CFAP251: variants seen among roughly 807,000 people sequenced by gnomAD.
The protein encoded by CFAP251 is cilia and flagella associated protein 251.
A neutral mutation model predicts 126.7 loss-of-function variants in CFAP251; 93 were observed. That is an observed-to-expected ratio of 0.73 (90% confidence interval 0.62 to 0.87). The LOEUF (loss-of-function observed/expected upper bound fraction) is 0.87. Among genes scored for constraint, CFAP251 ranks in the 40% least tolerant of loss-of-function variants. CFAP251 has a pLI of 0.00. For missense variants in CFAP251, 1,287 were observed against 1,389.2 expected, an observed-to-expected ratio of 0.93 and a Z score of 1.17; for synonymous variants, 503 against 506.9, an observed-to-expected ratio of 0.99 and a Z score of 0.10.
chr12:121,966,288 T>A (rs1335957350), intron 15 of CFAP251, among the ~76,000 whole-genome samples: 5 of 116,940 alleles, frequency 4.3e-5, no homozygotes, highest in Non-Finnish European at 7.1e-5. Flanking sequence ...TTCGATGGAG[T>A]CTTGCTCTGT....
chr12:121,987,393 G>T (rs1168519188), intron 19 of CFAP251, among the ~76,000 whole-genome samples: 1 of 152,036 alleles, frequency 6.6e-6, no homozygotes, highest in Non-Finnish European at 1.5e-5. Flanking sequence ...AATAAATCTT[G>T]GATTACTATG....
At chr12:121,991,973 A>ACAG (rs1593006610) in intron 19 of CFAP251, among the ~76,000 whole-genome samples, 1 of 152,154 alleles carries the variant, frequency 6.6e-6, no homozygotes, top group East Asian at 1.9e-4. Flanking sequence ...TGCCTGGGCG[A>ACAG]CAGAGTGAGA....
rs1372505759 is a variant in CFAP251 at position 121,918,616 on chromosome 12, G to T, written c.-100G>T. The T allele has an allele frequency of 6.5e-6, 1 of 153,662 alleles. No homozygotes were observed. The highest frequency in any genetic ancestry group is 1.4e-5 in the Non-Finnish European group (1 of 69,192). 9.5% of individuals were successfully genotyped at this position (153,662 alleles called of 1,614,324 possible). A position where few individuals can be genotyped will look rare whatever the true frequency, so the allele number is the denominator to read the frequency against. The stretch of plus-strand genomic sequence containing the variant: ...CAGAACTAGGGAGCTGGTGGAGAAG[G>T]TGGCGGCCGCTGGAAGGAGGCCCGG... On this transcript the variant is annotated 5_prime_UTR_variant, in exon 1 of 22. Transcript: ENST00000288912. The surrounding 1 kb of genome is among the most constrained non-coding windows in gnomAD (Gnocchi z 4.3).
At chr12:121,957,368 C>A in intron 11 of CFAP251, 100 bp downstream of exon 11, 3 of 1,180,536 alleles carry the variant, frequency 2.5e-6, no homozygotes, top group Non-Finnish European at 2.4e-6. Context: ...CCTGGGATAT[C>A]TCCCTGGCTG....
intron 19 of CFAP251, among the ~76,000 whole-genome samples, chr12:121,986,787 A>AT (rs1377991380): frequency 6.6e-6 from 1 of 150,536 alleles, no homozygotes; most frequent in Non-Finnish European, 1.5e-5. Flanking sequence ...AAAAAAAAAA[A>AT]GCCCATCTAG....
intron 19 of CFAP251, among the ~76,000 whole-genome samples, chr12:121,987,490 G>A (rs1025568181): frequency 2.6e-5 from 4 of 152,144 alleles, no homozygotes; most frequent in East Asian, 3.8e-4. Flanking sequence ...TGAGGTGGGC[G>A]CATCACCTGA....
chr12:121,948,975 A>G lies in CFAP251; in HGVS notation c.1192-9A>G. 6.7e-7 allele frequency: 1 copy of G among 1,502,098 alleles called. No individual in the cohort carries two copies. The highest frequency in any genetic ancestry group is 9.1e-7 in the Non-Finnish European group (1 of 1,102,404). The allele number at this position is 1,502,098 out of a possible 1,614,324, so 93.0% of individuals were successfully genotyped here. ...TATCATTAATGTATTTTCATACTTT[A>G]TATTTCAGAACTACGTTACTTTTAA... On this transcript the variant is annotated splice_polypyrimidine_tract_variant and intron_variant, in intron 7 of 21. Transcript: ENST00000288912.
intron 19 of CFAP251, chr12:121,997,549 A>G (rs1008313335): frequency 6.6e-6 from 1 of 151,768 alleles, no homozygotes; most frequent in Non-Finnish European, 1.5e-5. Flanking sequence ...CTGAATATGG[A>G]AAGTCTTTCC....
At chr12:122,001,713 A>G (rs760094768) in intron 21 of CFAP251, 115 bp downstream of exon 21, 22 of 789,604 alleles carry the variant, frequency 2.8e-5, no homozygotes, top group Non-Finnish European at 4.2e-5. Flanking sequence ...ACTGCACATA[A>G]CAAAGCATGT....
chr12:121,940,246 C>T (rs1032045942), intron 5 of CFAP251, among the ~76,000 whole-genome samples: 1 of 152,124 alleles, frequency 6.6e-6, no homozygotes, highest in African/African-American at 2.4e-5. Flanking sequence ...GTTAATAATG[C>T]AGGTCTGACT....
At chr12:121,993,419 T>C (rs1440806128) in intron 19 of CFAP251, among the ~76,000 whole-genome samples, 2 of 134,868 alleles carry the variant, frequency 1.5e-5, no homozygotes, top group African/African-American at 2.9e-5. Context: ...TGTCTCTGCC[T>C]GGCCGCCCAT....
At chr12:121,944,692 GT>G (rs1327882816) in intron 7 of CFAP251, among the ~76,000 whole-genome samples, 1 of 152,144 alleles carries the variant, frequency 6.6e-6, no homozygotes, top group Non-Finnish European at 1.5e-5. Context: ...TTCATTGCTA[GT>G]GTATAAAAAG....
rs542861175 is a variant in CFAP251 at position 121,978,276 on chromosome 12, C to A, written c.3006+2591C>A. ...GAGCGTGGTGGCGGGTGCCTATAGT[C>A]CCAGCTACTCAGGAGGCTGAGGCAG... On this transcript the variant is annotated intron_variant, in intron 19 of 21. Coordinates refer to ENST00000288912, the MANE Select transcript of CFAP251 (RefSeq NM_144668.6). Among the ~76,000 whole-genome samples, 341 of 150,178 alleles carry A rather than the reference C, an allele frequency of 2.3e-3. 5 individuals are homozygous for A. The highest frequency in any genetic ancestry group is 8.0e-3 in the African/African-American group (327 of 40,962).
At chr12:121,971,783 C>T in intron 17 of CFAP251, 1 of 578,956 alleles carries the variant, frequency 1.7e-6, no homozygotes, top group Non-Finnish European at 3.1e-6. Flanking sequence ...TGTTCCTACC[C>T]AAATCTCATC....
At position 122,003,823 on chromosome 12, in the gene CFAP251, G is replaced by T; in HGVS notation, c.*59G>T. 7.5e-7 allele frequency: 1 copy of T among 1,334,346 alleles called. No homozygotes were observed. The highest frequency in any genetic ancestry group is 1.0e-6 in the Non-Finnish European group (1 of 976,566). The allele number at this position is 1,334,346 out of a possible 1,614,324, so 82.7% of individuals were successfully genotyped here. A position where few individuals can be genotyped will look rare whatever the true frequency, so the allele number is the denominator to read the frequency against. ...TGGGTGTGTGTGCATGCACATGTGTGTGTTTTCCATGAGGCACTGCTTTTT... is the reference window on the plus strand; with the variant it reads ...TGGGTGTGTGTGCATGCACATGTGTTTGTTTTCCATGAGGCACTGCTTTTT... On this transcript the variant is annotated 3_prime_UTR_variant, in exon 22 of 22. Transcript: ENST00000288912.
chr12:121,931,054 G>T (rs1849331653), intron 3 of CFAP251, among the ~76,000 whole-genome samples: 1 of 151,598 alleles, frequency 6.6e-6, no homozygotes, highest in African/African-American at 2.4e-5. Context: ...CAGCCTATTT[G>T]CCTTTCTTAT....
chr12:121,919,466 ACTG>A (rs1880068162), intron 1 of CFAP251, among the ~76,000 whole-genome samples: 2 of 152,164 alleles, frequency 1.3e-5, no homozygotes, highest in East Asian at 1.9e-4. Flanking sequence ...AATAATAACA[ACTG>A]CTACCATTTT....
Position 121,942,110 on chromosome 12 carries a change from G to A in CFAP251, c.999-424G>A, listed in dbSNP as rs746187798. ...TATTATTGTTGTTGAGGTTAAATTC[G>A]CATAACATAAAACTGACCATTTTAA... On this transcript the variant is annotated intron_variant, in intron 5 of 21. Transcript: ENST00000288912. Among the ~76,000 whole-genome samples, 7 of 152,118 alleles carry A rather than the reference G, an allele frequency of 4.6e-5. No individual in the cohort carries two copies. The East Asian group carries it at 7.7e-4, about 17-fold the overall frequency.
chr12:121,977,457 G>C (rs567795504), intron 19 of CFAP251, among the ~76,000 whole-genome samples: 2 of 152,266 alleles, frequency 1.3e-5, no homozygotes, highest in South Asian at 4.1e-4. Context: ...TCAAGAGTTT[G>C]AGACCAGCCT....
Sources: gnomAD v4.1 joint callset for allele counts (sites outside exome capture counted in the v4.1 genomes callset) on GRCh38, gnomAD v4.1.1 for gene constraint, Gnocchi (gnomAD v3.1) non-coding constraint, MANE v1.5 for transcripts, NCBI Gene and HGNC (gene_info 2026-07-23, HGNC 2026-07-21) for gene names.